EIF4E3: variants seen among roughly 807,000 people sequenced by gnomAD.
EIF4E3 encodes eukaryotic translation initiation factor 4E family member 3, also known as eukaryotic translation initiation factor 4E type 3.
EIF4E3 carries 26 observed loss-of-function variants against 31.7 expected under a neutral mutation model. That is an observed-to-expected ratio of 0.82 (90% CI 0.60 to 1.14). The LOEUF (loss-of-function observed/expected upper bound fraction) is 1.14, where lower values mean the gene tolerates loss of function less well. Ranked by LOEUF, EIF4E3 falls within the 50% of genes most tolerant of loss-of-function variation. EIF4E3 has a pLI of 0.00. For missense variants in EIF4E3, 304 were observed against 270.9 expected (o/e 1.12, Z -0.86); for synonymous variants, 128 against 107.7 (o/e 1.19, Z -1.17).
chr3:71,725,281 C>T lies in EIF4E3; in HGVS notation c.87G>A (p.Glu29=). ...SRAAAAAAAP[E]PPLGLQQLSA... is the part of the protein sequence containing the mutation. ...ACAGCTGCTGCAGGCCGAGCGGCGGCTCGGGGGCGGCGGCAGCGGCGGCGG... is the reference window on the plus strand; with the variant it reads ...ACAGCTGCTGCAGGCCGAGCGGCGGTTCGGGGGCGGCGGCAGCGGCGGCGG... Residue 29 remains glutamate (E), a synonymous_variant, in exon 1 of 7, where the codon GAG becomes GAA. Transcript: ENST00000425534. The surrounding 1 kb of genome is among the most constrained non-coding windows in gnomAD (Gnocchi z 6.1). 2.0e-6 allele frequency: 2 copies of T among 1,017,178 alleles called. No individual in the cohort carries two copies. Among genetic ancestry groups the T allele is most frequent in the Middle Eastern group, 4.7e-4 (1 of 2,108 alleles). 63.0% of individuals were successfully genotyped at this position (1,017,178 alleles called of 1,614,324 possible).
the EIF4E3 span, among the ~76,000 whole-genome samples, chr3:71,661,680 T>C: frequency 2.6e-5 from 4 of 152,216 alleles, no homozygotes; most frequent in South Asian, 2.1e-4. Context: ...TGGCATGACA[T>C]GGAGCAAGAG....
intron 1 of EIF4E3, among the ~76,000 whole-genome samples, chr3:71,737,347 A>G (rs1249782241): frequency 2.0e-5 from 3 of 152,246 alleles, no homozygotes; most frequent in Non-Finnish European, 4.4e-5. Flanking sequence ...AGGTGCTTGA[A>G]TATCTGGTGT....
chr3:71,663,237 T>G, the EIF4E3 span, among the ~76,000 whole-genome samples: 2 of 152,152 alleles, frequency 1.3e-5, no homozygotes, highest in East Asian at 3.9e-4. Flanking sequence ...AATTTGTATT[T>G]CTTTTACATT....
Position 71,679,056 on chromosome 3 carries a change from T to C in EIF4E3, c.*5626A>G, listed in dbSNP as rs1299842516. 6.6e-6 allele frequency: 1 copy of C among 152,140 alleles called. No individual in the cohort carries two copies. Among genetic ancestry groups the C allele is most frequent in the African/African-American group, 2.4e-5 (1 of 41,432 alleles). The allele number at this position is 152,140 out of a possible 1,614,324, so 9.4% of individuals were successfully genotyped here. A position where few individuals can be genotyped will look rare whatever the true frequency, so the allele number is the denominator to read the frequency against. Reference sequence around the variant, plus strand: ...ATTATCTGATTAAAGTCTGAGAACTTTGGGGAGAATTTAATGTATATCCAC... The same window carrying C: ...ATTATCTGATTAAAGTCTGAGAACTCTGGGGAGAATTTAATGTATATCCAC... On this transcript the variant is annotated 3_prime_UTR_variant, in exon 7 of 7. Coordinates refer to ENST00000425534, the MANE Select transcript of EIF4E3 (RefSeq NM_001134651.2).
chr3:71,732,929 G>T (rs565380366), intron 1 of EIF4E3, among the ~76,000 whole-genome samples: 1 of 152,292 alleles, frequency 6.6e-6, no homozygotes, highest in South Asian at 2.1e-4. Flanking sequence ...CTGCCTGAAG[G>T]ATCAAATCAG....
intron 5 of EIF4E3, among the ~76,000 whole-genome samples, chr3:71,693,134 G>A (rs190269419): frequency 1.3e-5 from 2 of 152,278 alleles, no homozygotes; most frequent in African/African-American, 2.4e-5. Flanking sequence ...GTTACTTCAG[G>A]AGCATTCAGA....
rs540023155 is a variant in EIF4E3 at position 71,751,281 on chromosome 3, T to A, written c.-291+2182A>T. 1.1e-4 allele frequency among the ~76,000 whole-genome samples: 17 copies of A among 152,190 alleles called. 1 individual carries two copies. Among genetic ancestry groups the A allele is most frequent in the Admixed American group, 5.9e-4 (9 of 15,290 alleles). ...GCTCTTACACTTACTTGAAAGTAAG[T>A]GTAAAGTAAGTGTAAGTGGTGAAAG... On this transcript the variant is annotated intron_variant, in intron 1 of 7. Coordinates refer to the EIF4E3 transcript ENST00000295612.
At chr3:71,738,933 C>T (rs1376744949) in intron 1 of EIF4E3, among the ~76,000 whole-genome samples, 1 of 128,258 alleles carries the variant, frequency 7.8e-6, no homozygotes, top group Non-Finnish European at 1.6e-5. Flanking sequence ...TAAATCAATA[C>T]CAGAAAAAGA....
intron 2 of EIF4E3, among the ~76,000 whole-genome samples, chr3:71,701,327 C>T (rs1264733698): frequency 1.3e-5 from 2 of 152,166 alleles, no homozygotes; most frequent in Non-Finnish European, 2.9e-5. Flanking sequence ...TAATGACACT[C>T]TTAGGAGGAG....
chr3:71,704,351 A>T (rs549132107), intron 2 of EIF4E3, among the ~76,000 whole-genome samples: 2 of 152,260 alleles, frequency 1.3e-5, no homozygotes, highest in South Asian at 4.1e-4. Flanking sequence ...GGAGTGTGGA[A>T]CCTGCTTCCT....
rs964269642 is a variant in EIF4E3 at position 71,715,378 on chromosome 3, CTTTTCCCATAGAG to C, written c.177-4907_177-4895del. Among the ~76,000 whole-genome samples the C allele has an allele frequency of 1.1e-4, 16 of 152,332 alleles. No individual in the cohort carries two copies. In the South Asian group the frequency reaches 2.1e-3, roughly 20 times the overall value. ...AATGGTGATCATTCTAGAAAAAGGC[CTTTTCCCATAGAG>C]TTTATGTTTTAGAACCAGCATCCCT... On this transcript the variant is annotated intron_variant, in intron 1 of 6. Transcript: ENST00000425534.
intron 4 of EIF4E3, among the ~76,000 whole-genome samples, chr3:71,694,781 G>C (rs909417983): frequency 6.6e-6 from 1 of 152,052 alleles, no homozygotes; most frequent in African/African-American, 2.4e-5. Flanking sequence ...GTTTCTTTAG[G>C]TGAACAAGGA....
intron 1 of EIF4E3, among the ~76,000 whole-genome samples, chr3:71,710,996 G>C (rs181713776): frequency 1.2e-3 from 189 of 152,302 alleles, no homozygotes; most frequent in Non-Finnish European, 2.1e-3. Context: ...TGAATTTGCT[G>C]TTACCAAAAC....
rs2107991882 is a variant in EIF4E3 at position 71,678,592 on chromosome 3, A to G, written c.*6090T>C. The G allele has an allele frequency of 6.6e-6, 1 of 152,270 alleles. No homozygotes were observed. The highest frequency in any genetic ancestry group is 2.4e-5 in the African/African-American group (1 of 41,550). 9.4% of individuals were successfully genotyped at this position (152,270 alleles called of 1,614,324 possible). ...ACAATATAAAATCAAAAATAACTAG[A>G]ACAGAAAAGTTTTCAGTCTGACCTT... On this transcript the variant is annotated 3_prime_UTR_variant, in exon 7 of 7. Coordinates refer to ENST00000425534, the MANE Select transcript of EIF4E3 (RefSeq NM_001134651.2).
chr3:71,697,931 G>T (rs1370678297), intron 3 of EIF4E3, among the ~76,000 whole-genome samples: 3 of 152,036 alleles, frequency 2.0e-5, no homozygotes. Context: ...TATATATCTG[G>T]CAGTGGGACT....
intron 1 of EIF4E3, among the ~76,000 whole-genome samples, chr3:71,752,348 C>G (rs1188271512): frequency 6.6e-6 from 1 of 152,160 alleles, no homozygotes; most frequent in Non-Finnish European, 1.5e-5. Context: ...AACACTGCTG[C>G]CAGAATAATG....
chr3:71,753,896 G>A (rs891617307), upstream of EIF4E3, among the ~76,000 whole-genome samples: 1 of 148,482 alleles, frequency 6.7e-6, no homozygotes, highest in Non-Finnish European at 1.5e-5. Context: ...GGCTCGGGGA[G>A]CCCAGGAGGG....
At chr3:71,663,089 C>G in the EIF4E3 span, among the ~76,000 whole-genome samples, 1 of 152,134 alleles carries the variant, frequency 6.6e-6, no homozygotes, top group Non-Finnish European at 1.5e-5. Context: ...AAATACTTCA[C>G]TATTGCCAAG....
chr3:71,692,736 G>T (rs929813280), intron 5 of EIF4E3, among the ~76,000 whole-genome samples: 1 of 151,926 alleles, frequency 6.6e-6, no homozygotes, highest in Non-Finnish European at 1.5e-5. Flanking sequence ...TGGGGCTATG[G>T]GTGTATGTCA....
Sources: allele counts gnomAD v4.1 joint callset (sites outside exome capture counted in the v4.1 genomes callset), GRCh38; gene constraint gnomAD v4.1.1; non-coding constraint Gnocchi (gnomAD v3.1); transcripts MANE v1.5; gene names NCBI Gene and HGNC (gene_info 2026-07-23, HGNC 2026-07-21).